PCDHGA7: variants seen among roughly 807,000 people sequenced by gnomAD.
The protein encoded by PCDHGA7 is protocadherin gamma-A7.
PCDHGA7 carries 44 observed loss-of-function variants against 58.3 expected under a neutral mutation model. That is an observed-to-expected ratio of 0.75 (90% CI 0.59 to 0.97). PCDHGA7 has a LOEUF of 0.97. PCDHGA7 is among the 50% of genes least tolerant of loss of function. The pLI is 0.00. For synonymous variants in PCDHGA7, 516 were observed against 504.2 expected (o/e 1.02, Z -0.31); for missense variants, 1,266 against 1,188.7 (o/e 1.06, Z -0.96).
At chr5:141,458,563 G>T (rs1181785251) in intron 1 of PCDHGA7, among the ~76,000 whole-genome samples, 1 of 140,116 alleles carries the variant, frequency 7.1e-6, no homozygotes, top group Non-Finnish European at 1.5e-5. Context: ...TTTTGGTTTT[G>T]GGTTTTTGTT....
At chr5:141,414,100 G>A (rs1293589634) in intron 1 of PCDHGA7, 2 of 1,593,288 alleles carry the variant, frequency 1.3e-6, no homozygotes. Context: ...AAAAATATCA[G>A]AAAATCTAGA....
In PCDHGA7 at chr5:141,476,245, G is replaced by C; in HGVS notation, c.2425-18562G>C. 3.1e-6 allele frequency: 5 copies of C among 1,614,086 alleles called. No homozygotes were observed. The highest frequency in any genetic ancestry group is 3.4e-6 in the Non-Finnish European group (4 of 1,180,026). On this transcript the variant is annotated intron_variant, in intron 1 of 3. Transcript: ENST00000518325. This position sits in a 1 kb window ranked among gnomAD's most constrained non-coding sequence, Gnocchi z 7.6. The stretch of plus-strand genomic sequence containing the variant: ...ATGAGATCCCGGAGGAAAGAGAGAA[G>C]GGTTTCGCTGTGGGCAACGTGGTCG...
Position 141,383,475 on chromosome 5 carries a change from G to A in PCDHGA7, c.576G>A (p.Pro192=), listed in dbSNP as rs762489709. The A allele has an allele frequency of 6.2e-7, 1 of 1,613,594 alleles. No homozygotes were observed. Among genetic ancestry groups the A allele is most frequent in the African/African-American group, 1.3e-5 (1 of 75,044 alleles). The part of the protein sequence containing the change: ...VQSGDDETKY[P]ELVLERVLDR... ...GTGGAGACGATGAAACTAAGTACCC[G>A]GAACTGGTGCTGGAGCGGGTGCTGG... The change falls in exon 1 of 4, where the codon CCG becomes CCA. Residue 192 remains proline (P), a synonymous_variant. Transcript: ENST00000518325.
chr5:141,428,794 T>C (rs2097161574), intron 1 of PCDHGA7: 1 of 152,852 alleles, frequency 6.5e-6, no homozygotes, highest in African/African-American at 2.4e-5. Context: ...CCTTTCTGTG[T>C]GGGCCAGTAA....
chr5:141,382,771 A>G lies in PCDHGA7; in HGVS notation c.-129A>G. The G allele has an allele frequency of 1.3e-6, 1 of 753,180 alleles. No individual in the cohort carries two copies. The highest frequency in any genetic ancestry group is 2.1e-6 in the Non-Finnish European group (1 of 467,986). The allele number at this position is 753,180 out of a possible 1,614,324, so 46.7% of individuals were successfully genotyped here. A position where few individuals can be genotyped will look rare whatever the true frequency, so the allele number is the denominator to read the frequency against. ...TGCGATAAGCCCTCTTCCAGGCTGCACTAAACTCAAGCCTCTATCCTGCTG... is the reference window on the plus strand; with the variant it reads ...TGCGATAAGCCCTCTTCCAGGCTGCGCTAAACTCAAGCCTCTATCCTGCTG... On this transcript the variant is annotated 5_prime_UTR_variant, in exon 1 of 4. Transcript: ENST00000518325.
intron 1 of PCDHGA7, among the ~76,000 whole-genome samples, chr5:141,492,095 CT>C (rs1047956109): frequency 6.6e-6 from 1 of 152,232 alleles, no homozygotes; most frequent in African/African-American, 2.4e-5. Context: ...CTTCGCCGGT[CT>C]GTAGATTTCC....
At chr5:141,414,300 G>T in intron 1 of PCDHGA7, 7 of 1,613,560 alleles carry the variant, frequency 4.3e-6, no homozygotes, top group Non-Finnish European at 5.9e-6. Context: ...TTTTAAATGT[G>T]CATGATTTAG....
In PCDHGA7 at chr5:141,432,296, G is replaced by A. The variant is rs895669878; in HGVS notation, c.2424+46973G>A. The A allele has an allele frequency of 2.5e-6, 4 of 1,614,106 alleles. No homozygotes were observed. The highest frequency in any genetic ancestry group is 1.1e-5 in the South Asian group (1 of 91,082). The stretch of plus-strand genomic sequence containing the variant: ...CGTGTCCATCAACTCCGACACTGGG[G>A]TACTGTATGCGCTGAGCTCCTTCGA... On this transcript the variant is annotated intron_variant, in intron 1 of 3. Transcript: ENST00000518325. The surrounding 1 kb of genome is among the most constrained non-coding windows in gnomAD (Gnocchi z 6.0).
Position 141,511,429 on chromosome 5 carries a change from G to A in PCDHGA7, c.*256G>A, listed in dbSNP as rs1414641314. 1.3e-6 allele frequency: 1 copy of A among 769,620 alleles called. No individual in the cohort carries two copies. The highest frequency in any genetic ancestry group is 2.0e-6 in the Non-Finnish European group (1 of 505,154). The allele number at this position is 769,620 out of a possible 1,614,324, so 47.7% of individuals were successfully genotyped here. On this transcript the variant is annotated 3_prime_UTR_variant, in exon 4 of 4. Transcript: ENST00000518325. The stretch of plus-strand genomic sequence containing the variant: ...CTGCTGTACCCATGGGGGTAGTGGG[G>A]TTACTGTAGACACCAAGAACCATTT...
Position 141,438,593 on chromosome 5 carries a change from T to TAC in PCDHGA7, c.2424+53271_2424+53272insCA, listed in dbSNP as rs1414976871. Reference sequence around the variant, plus strand: ...TGATATACATACATACATACATACATATATATATATATATATATATATATA... The same window carrying TAC: ...TGATATACATACATACATACATACATACATATATATATATATATATATATATA... On this transcript the variant is annotated intron_variant, in intron 1 of 3. Transcript: ENST00000518325. Among the ~76,000 whole-genome samples the TAC allele has an allele frequency of 1.6e-3, 115 of 73,944 alleles. 1 individual carries two copies. The highest frequency in any genetic ancestry group is 2.9e-3 in the African/African-American group (63 of 21,786). The allele number at this position is 73,944 out of a possible 152,430, so 48.5% of individuals were successfully genotyped here. A position where few individuals can be genotyped will look rare whatever the true frequency, so the allele number is the denominator to read the frequency against.
chr5:141,398,937 C>A, intron 1 of PCDHGA7: 1 of 1,613,902 alleles, frequency 6.2e-7, no homozygotes. Context: ...CTGACCAAGA[C>A]GAGGGCATCA....
At chr5:141,391,495 A>G (rs962883294) in intron 1 of PCDHGA7, 2 of 152,136 alleles carry the variant, frequency 1.3e-5, no homozygotes, top group Non-Finnish European at 2.9e-5. Context: ...TGTTTTCAGT[A>G]GAGAAAATAT....
At chr5:141,429,945 T>C (rs1443623730) in intron 1 of PCDHGA7, among the ~76,000 whole-genome samples, 1 of 152,222 alleles carries the variant, frequency 6.6e-6, no homozygotes, top group East Asian at 1.9e-4. Flanking sequence ...ACTTCCATTA[T>C]TTCCAGTCAA....
chr5:141,499,721 G>GTC (rs1434016871), intron 2 of PCDHGA7, among the ~76,000 whole-genome samples: 69 of 135,416 alleles, frequency 5.1e-4, no homozygotes, highest in African/African-American at 1.9e-3. Flanking sequence ...TGGAGACAGA[G>GTC]TCTCACTCTC....
At chr5:141,460,787 C>T (rs1177595415) in intron 1 of PCDHGA7, among the ~76,000 whole-genome samples, 1 of 151,504 alleles carries the variant, frequency 6.6e-6, no homozygotes, top group Non-Finnish European at 1.5e-5. Context: ...TACATATATA[C>T]ACACAAAGTA....
intron 1 of PCDHGA7, chr5:141,418,575 C>T (rs2154547779): frequency 6.2e-7 from 1 of 1,614,018 alleles, no homozygotes; most frequent in East Asian, 2.2e-5. Context: ...AATGACAACC[C>T]CCCAGTGTTC....
Position 141,490,121 on chromosome 5 carries a change from G to A in PCDHGA7, c.2425-4686G>A. On this transcript the variant is annotated intron_variant, in intron 1 of 3. Coordinates refer to ENST00000518325, the MANE Select transcript of PCDHGA7 (RefSeq NM_018920.4). The surrounding 1 kb of genome is among the most constrained non-coding windows in gnomAD (Gnocchi z 5.4). Reference sequence around the variant, plus strand: ...TCTGAGGCAGTGCGGAACCTCTTTGGCCTAGACCCTAGCAGTGGGGCAATC... The same window carrying A: ...TCTGAGGCAGTGCGGAACCTCTTTGACCTAGACCCTAGCAGTGGGGCAATC... 1 of 1,614,256 alleles carries A rather than the reference G, an allele frequency of 6.2e-7. No individual in the cohort carries two copies. Among genetic ancestry groups the A allele is most frequent in the Non-Finnish European group, 8.5e-7 (1 of 1,180,052 alleles).
intron 1 of PCDHGA7, among the ~76,000 whole-genome samples, chr5:141,453,996 C>T (rs2098779349): frequency 6.6e-6 from 1 of 152,128 alleles, no homozygotes; most frequent in Admixed American, 6.6e-5. Context: ...GTGATAAACC[C>T]ACATAACATT....
At position 141,404,170 on chromosome 5, in the gene PCDHGA7, G is replaced by C. The variant is rs73279089; in HGVS notation, c.2424+18847G>C. Reference sequence around the variant, plus strand: ...AAGAAGATTATTACAGATTGTTGACGGCCCAAATTCTTGACCGAGAAAAAG... The same window carrying C: ...AAGAAGATTATTACAGATTGTTGACCGCCCAAATTCTTGACCGAGAAAAAG... On this transcript the variant is annotated intron_variant, in intron 1 of 3. Coordinates refer to ENST00000518325, the MANE Select transcript of PCDHGA7 (RefSeq NM_018920.4). The C allele has an allele frequency of 1.5e-3, 2,365 of 1,612,738 alleles. 32 individuals are homozygous for C. In the African/African-American group the frequency reaches 0.028, roughly 19 times the overall value.
Sources: gnomAD v4.1 joint callset for allele counts (sites outside exome capture counted in the v4.1 genomes callset) on GRCh38, gnomAD v4.1.1 for gene constraint, Gnocchi (gnomAD v3.1) non-coding constraint, MANE v1.5 for transcripts, NCBI Gene and HGNC (gene_info 2026-07-23, HGNC 2026-07-21) for gene names.